Variants in ANKFN1 observed in about 807,000 individuals in gnomAD.
ANKFN1 encodes ankyrin repeat and fibronectin type-III domain-containing protein 1.
ANKFN1 carries 74 observed loss-of-function variants against 108.7 expected under a neutral mutation model. The observed-to-expected ratio is 0.68, with a 90% confidence interval of 0.56 to 0.83. ANKFN1 has a LOEUF of 0.83. Ranked by LOEUF, ANKFN1 falls within the 40% of genes least tolerant of loss-of-function variation. ANKFN1 has a pLI of 0.00. For synonymous variants in ANKFN1, 547 were observed against 516.2 expected, an observed-to-expected ratio of 1.06 and a Z score of -0.81; for missense variants, 1,505 against 1,382.3, an observed-to-expected ratio of 1.09 and a Z score of -1.41.
At chr17:56,502,470 G>A (rs981610109) in intron 20 of ANKFN1, among the ~76,000 whole-genome samples, 3 of 152,162 alleles carry the variant, frequency 2.0e-5, no homozygotes, top group South Asian at 2.1e-4. Flanking sequence ...AAGATTCCAT[G>A]AGCTATGAAA....
At chr17:56,481,082 C>CAAAAAAAA (rs11439875) in intron 17 of ANKFN1, among the ~76,000 whole-genome samples, 3 of 65,876 alleles carry the variant, frequency 4.6e-5, no homozygotes, top group Non-Finnish European at 6.8e-5. Flanking sequence ...GTCTGGTCAG[C>CAAAAAAAA]AAAAAAAAAA....
intron 8 of ANKFN1, among the ~76,000 whole-genome samples, chr17:56,394,598 G>A (rs1396454592): frequency 3.9e-5 from 6 of 152,020 alleles, no homozygotes. Flanking sequence ...CCCCTGGACT[G>A]AACAAATGGC....
chr17:56,302,186 A>T lies in ANKFN1; in HGVS notation c.54-24035A>T, dbSNP rs185264763. ...TTGCGTAGTTAAAAAAACTTGTCCAAATTTGTGTAATCTTCTGGAATTCAA... is the reference window on the plus strand; with the variant it reads ...TTGCGTAGTTAAAAAAACTTGTCCATATTTGTGTAATCTTCTGGAATTCAA... On this transcript the variant is annotated intron_variant, in intron 3 of 20. Coordinates refer to ENST00000682825, the MANE Select transcript of ANKFN1 (RefSeq NM_001370326.1). Among the ~76,000 whole-genome samples, 440 of 152,256 alleles carry T rather than the reference A, an allele frequency of 2.9e-3. 1 individual carries two copies. Among genetic ancestry groups the T allele is most frequent in the Middle Eastern group, 0.027 (8 of 294 alleles).
In ANKFN1 at chr17:56,263,789, G is replaced by A. The variant is rs1474522782; in HGVS notation, c.53+35832G>A. ...TCCAAGCATCCAACTGTTTATTTGAGCAGTCTCTTTTGATACCATTCTCAT... is the reference window on the plus strand; with the variant it reads ...TCCAAGCATCCAACTGTTTATTTGAACAGTCTCTTTTGATACCATTCTCAT... On this transcript the variant is annotated intron_variant, in intron 3 of 20. Transcript: ENST00000682825. Among the ~76,000 whole-genome samples the A allele has an allele frequency of 2.6e-5, 4 of 152,176 alleles. No individual in the cohort carries two copies. In the East Asian group the frequency reaches 7.7e-4, roughly 29 times the overall value.
In ANKFN1 at chr17:56,492,325, G is replaced by A. The variant is rs2051066755; in HGVS notation, c.2399G>A (p.Arg800Lys). ...SDSEVAAAKQ[R>K]HQQVLDFIQQ... ...AGCGAGGTTGCAGCTGCCAAACAAA[G>A]ACACCAGCAAGTTTTAGATTTCATT... Residue 800 changes from arginine (R) to lysine (K), a missense_variant, in exon 19 of 21, where the codon AGA becomes AAA. Coordinates refer to ENST00000682825, the MANE Select transcript of ANKFN1 (RefSeq NM_001370326.1). The A allele has an allele frequency of 2.8e-6, 2 of 702,266 alleles. No homozygotes were observed. 43.5% of individuals were successfully genotyped at this position (702,266 alleles called of 1,614,324 possible). A position where few individuals can be genotyped will look rare whatever the true frequency, so the allele number is the denominator to read the frequency against.
chr17:56,467,747 GAA>G (rs562583613), intron 15 of ANKFN1, among the ~76,000 whole-genome samples: 7 of 26,270 alleles, frequency 2.7e-4, no homozygotes, highest in Non-Finnish European at 3.4e-4. Flanking sequence ...AAGAAACAAA[GAA>G]AGAAAGAAAG....
intron 4 of ANKFN1, among the ~76,000 whole-genome samples, chr17:56,135,334 G>A (rs1463113251): frequency 6.6e-6 from 1 of 152,082 alleles, no homozygotes; most frequent in Non-Finnish European, 1.5e-5. Flanking sequence ...AAAAACAATA[G>A]GGACTATTTT....
At chr17:56,110,381 C>A (rs1302758304) in intron 4 of ANKFN1, among the ~76,000 whole-genome samples, 1 of 152,192 alleles carries the variant, frequency 6.6e-6, no homozygotes, top group Non-Finnish European at 1.5e-5. Flanking sequence ...CCTCCACCCT[C>A]ACTCTAATAA....
chr17:56,337,547 A>G (rs2045846496), intron 4 of ANKFN1, among the ~76,000 whole-genome samples: 1 of 152,176 alleles, frequency 6.6e-6, no homozygotes, highest in Non-Finnish European at 1.5e-5. Flanking sequence ...AATGGGAGAC[A>G]ATTTTTGCAA....
chr17:56,116,885 T>G (rs896375470), intron 4 of ANKFN1, among the ~76,000 whole-genome samples: 2 of 152,168 alleles, frequency 1.3e-5, no homozygotes, highest in Admixed American at 1.3e-4. Flanking sequence ...GCAGGGAGCA[T>G]GAAGGTGGCT....
intron 3 of ANKFN1, chr17:56,228,209 A>T (rs1916431775): frequency 1.2e-5 from 5 of 403,734 alleles, no homozygotes; most frequent in Non-Finnish European, 2.2e-5. Flanking sequence ...GTGAGGAGTA[A>T]AAAAATAGGC....
chr17:56,331,331 T>C (rs1308298931), intron 4 of ANKFN1, among the ~76,000 whole-genome samples: 1 of 152,094 alleles, frequency 6.6e-6, no homozygotes, highest in Non-Finnish European at 1.5e-5. Context: ...AATGTCCCTC[T>C]CACTGACTAT....
chr17:56,213,720 A>G (rs1293773164), intron 2 of ANKFN1, among the ~76,000 whole-genome samples: 3 of 152,218 alleles, frequency 2.0e-5, no homozygotes, highest in Non-Finnish European at 2.9e-5. Context: ...TACAAAGGAA[A>G]TTGAGGATGA....
intron 2 of ANKFN1, among the ~76,000 whole-genome samples, chr17:56,214,683 C>T (rs1006557866): frequency 3.3e-5 from 5 of 152,166 alleles, no homozygotes; most frequent in Admixed American, 2.0e-4. Context: ...AAATATCTTT[C>T]TCTAAGATTT....
chr17:56,234,620 G>T (rs11079215), intron 3 of ANKFN1, among the ~76,000 whole-genome samples: 22,148 of 152,028 alleles, frequency 0.15, 1,824 homozygotes, highest in East Asian at 0.22. Flanking sequence ...TTCTGTTCCT[G>T]CATTAGTCTG....
At chr17:56,383,993 C>T (rs1209461024) in intron 8 of ANKFN1, among the ~76,000 whole-genome samples, 1 of 152,164 alleles carries the variant, frequency 6.6e-6, no homozygotes, top group East Asian at 1.9e-4. Flanking sequence ...CCAGCATCAT[C>T]CTGATACCAA....
At chr17:56,359,582 A>G (rs1397066598) in intron 6 of ANKFN1, among the ~76,000 whole-genome samples, 1 of 152,070 alleles carries the variant, frequency 6.6e-6, no homozygotes, top group Non-Finnish European at 1.5e-5. Flanking sequence ...GTCACTCAGA[A>G]TTTGTTATGT....
intron 3 of ANKFN1, among the ~76,000 whole-genome samples, chr17:56,254,464 A>G (rs1000074126): frequency 2.6e-5 from 4 of 152,166 alleles, no homozygotes; most frequent in Admixed American, 2.6e-4. Flanking sequence ...GATTTTGTGA[A>G]TGACTGTGCT....
chr17:56,246,289 T>A (rs978630625), intron 3 of ANKFN1, among the ~76,000 whole-genome samples: 1 of 152,140 alleles, frequency 6.6e-6, no homozygotes, highest in African/African-American at 2.4e-5. Flanking sequence ...GGGCAGCGGC[T>A]TAGTGAGGGT....
Sources: gnomAD v4.1 joint callset for allele counts (sites outside exome capture counted in the v4.1 genomes callset) on GRCh38, gnomAD v4.1.1 for gene constraint, MANE v1.5 for transcripts, NCBI Gene and HGNC (gene_info 2026-07-23, HGNC 2026-07-21) for gene names.